Variants in CSPP1 observed in about 807,000 individuals in gnomAD.
The protein encoded by CSPP1 is centrosome and spindle pole associated protein 1, also known as centrosome and spindle pole-associated protein 1.
In CSPP1, 126 loss-of-function variants were observed where a neutral mutation model predicts 164.4. The observed-to-expected ratio is 0.77, with a 90% CI of 0.66 to 0.89. The LOEUF is 0.89. Ranked by LOEUF, CSPP1 falls within the 40% of genes least tolerant of loss-of-function variation. The probability of loss-of-function intolerance (pLI) is 0.00; values close to 1 mark genes in which losing one functional copy is unlikely to be tolerated. For synonymous variants in CSPP1, 472 were observed against 476.7 expected (o/e 0.99, Z 0.13); for missense variants, 1,395 against 1,449.8 (o/e 0.96, Z 0.61).
chr8:67,145,104 A>G (rs1348478143), intron 17 of CSPP1, among the ~76,000 whole-genome samples: 1 of 151,590 alleles, frequency 6.6e-6, no homozygotes, highest in Non-Finnish European at 1.5e-5. Flanking sequence ...TGGGTGGGGA[A>G]TCTTCTTTTT....
Position 67,113,835 on chromosome 8 carries a change from G to T in CSPP1, c.1218G>T (p.Ala406=), listed in dbSNP as rs752326108. The T allele has an allele frequency of 7.5e-6, 12 of 1,592,562 alleles. No individual in the cohort carries two copies. Among genetic ancestry groups the T allele is most frequent in the Non-Finnish European group, 9.4e-6 (11 of 1,165,642 alleles). The change falls in exon 11 of 31, where the codon GCG becomes GCT. Residue 406 remains alanine, a synonymous_variant. Transcript: ENST00000678616. ...AAGATTTAGAACTCAGGGTTGCAGC[G>T]TCTGGAGCACAAGACCCTGAGAAAT... ...REKDLELRVA[A]SGAQDPEKSW...
chr8:67,093,977 G>A (rs1288186198), intron 6 of CSPP1, among the ~76,000 whole-genome samples: 14 of 150,684 alleles, frequency 9.3e-5, no homozygotes, highest in East Asian at 2.0e-4. Context: ...TCAATTAGCC[G>A]GACATGGTGG....
intron 4 of CSPP1, among the ~76,000 whole-genome samples, chr8:67,090,760 C>G (rs1335339840): frequency 6.6e-6 from 1 of 152,170 alleles, no homozygotes; most frequent in Non-Finnish European, 1.5e-5. Context: ...TGTATCCCTA[C>G]CATCTGAAAA....
In CSPP1 at chr8:67,105,885, CTCTG is replaced by C. The variant is rs1419911636; in HGVS notation, c.1023-16_1023-13del. The C allele has an allele frequency of 1.0e-5, 14 of 1,384,768 alleles. No homozygotes were observed. The East Asian group carries it at 1.1e-4, about 11-fold the overall frequency. 85.8% of individuals were successfully genotyped at this position (1,384,768 alleles called of 1,614,324 possible). A position where few individuals can be genotyped will look rare whatever the true frequency, so the allele number is the denominator to read the frequency against. ...ATCTGGATTTTAATTTACTCTTTTTCTCTGTCTTTTTTTCTTTAGTGCTCCAGAC... is the reference window on the plus strand; with the variant it reads ...ATCTGGATTTTAATTTACTCTTTTTCTCTTTTTTTCTTTAGTGCTCCAGAC... On this transcript the variant is annotated splice_polypyrimidine_tract_variant and intron_variant, in intron 8 of 30. Coordinates refer to ENST00000678616, the MANE Select transcript of CSPP1 (RefSeq NM_001382391.1).
intron 4 of CSPP1, among the ~76,000 whole-genome samples, chr8:67,087,034 A>G (rs1408905697): frequency 3.3e-5 from 5 of 152,136 alleles, no homozygotes; most frequent in African/African-American, 1.2e-4. Context: ...GACAGCATAC[A>G]CATTATAATT....
At chr8:67,101,908 T>C (rs1019980071) in intron 7 of CSPP1, among the ~76,000 whole-genome samples, 1 of 152,206 alleles carries the variant, frequency 6.6e-6, no homozygotes, top group African/African-American at 2.4e-5. Context: ...TCAACAGCCA[T>C]GTAAAGAAAC....
chr8:67,103,043 C>T lies in CSPP1; in HGVS notation c.930C>T (p.His310=). ...LSRVYTNDRM[H]RNKRGNMPPM... ...AAGCTAATGTGTTTTTAAGGATGCA[C>T]AGGAACAAACGAGGGAATATGCCTC... is the stretch of plus-strand genomic sequence containing the variant. Residue 310 remains histidine (H), a synonymous_variant, in exon 8 of 31, where the codon CAC becomes CAT. Coordinates refer to ENST00000678616, the MANE Select transcript of CSPP1 (RefSeq NM_001382391.1). The T allele has an allele frequency of 1.2e-6, 2 of 1,600,796 alleles. No homozygotes were observed. Among genetic ancestry groups the T allele is most frequent in the Middle Eastern group, 3.3e-4 (2 of 6,038 alleles).
At chr8:67,086,372 G>C (rs377590792) in intron 4 of CSPP1, 9 of 469,448 alleles carry the variant, frequency 1.9e-5, no homozygotes, top group African/African-American at 1.6e-4. Context: ...CGTTAATTAT[G>C]GTTTTTCATG....
intron 21 of CSPP1, 39 bp downstream of exon 21, chr8:67,159,176 T>A: frequency 2.6e-6 from 4 of 1,556,032 alleles, no homozygotes; most frequent in Non-Finnish European, 3.5e-6. Flanking sequence ...ACCCATAGTT[T>A]AACTCACTTT....
intron 26 of CSPP1, among the ~76,000 whole-genome samples, chr8:67,176,198 C>A (rs1831583811): frequency 6.6e-6 from 1 of 152,008 alleles, no homozygotes; most frequent in Non-Finnish European, 1.5e-5. Flanking sequence ...ATTTCACCAG[C>A]CTTCAGGCCA....
intron 4 of CSPP1, 61 bp downstream of exon 4, chr8:67,086,171 T>C: frequency 1.2e-6 from 1 of 843,200 alleles, no homozygotes; most frequent in Non-Finnish European, 2.1e-6. Context: ...TAAATTTGTT[T>C]TCATAAGGTA....
chr8:67,168,113 A>G (rs1343559777), intron 24 of CSPP1, among the ~76,000 whole-genome samples: 1 of 152,204 alleles, frequency 6.6e-6, no homozygotes, highest in Non-Finnish European at 1.5e-5. Flanking sequence ...TGGCCAACAC[A>G]GCGAAACCCC....
At chr8:67,184,707 G>A (rs1424447661) in intron 28 of CSPP1, among the ~76,000 whole-genome samples, 4 of 149,540 alleles carry the variant, frequency 2.7e-5, no homozygotes, top group Non-Finnish European at 5.9e-5. Flanking sequence ...CTGCATGACA[G>A]AGTGAGATTC....
chr8:67,119,287 A>G (rs905306009), intron 15 of CSPP1, among the ~76,000 whole-genome samples: 3 of 152,188 alleles, frequency 2.0e-5, no homozygotes, highest in African/African-American at 7.2e-5. Flanking sequence ...CCATTTATCC[A>G]TTAGTGGACA....
intron 19 of CSPP1, 32 bp from the exon 20 acceptor site, chr8:67,158,415 T>C: frequency 6.5e-7 from 1 of 1,531,700 alleles, no homozygotes; most frequent in Non-Finnish European, 8.8e-7. Flanking sequence ...TCAATAGTTT[T>C]ACAAGATAAA....
At chr8:67,189,765 C>T (rs534642817) in intron 28 of CSPP1, among the ~76,000 whole-genome samples, 1 of 152,266 alleles carries the variant, frequency 6.6e-6, no homozygotes, top group South Asian at 2.1e-4. Context: ...ACATCATCCC[C>T]CCAAATATAT....
intron 29 of CSPP1, 108 bp from the exon 30 acceptor site, chr8:67,193,356 C>CAA: frequency 3.1e-6 from 3 of 957,168 alleles, no homozygotes; most frequent in South Asian, 1.7e-5. Context: ...CTCGGCTTCC[C>CAA]AAAGTGCTGG....
chr8:67,196,470 G>GACTC lies in CSPP1; in HGVS notation c.*879_*882dup, dbSNP rs760811462. On this transcript the variant is annotated 3_prime_UTR_variant, in exon 31 of 31. Transcript: ENST00000678616. ...GTCATTCAAATAATTGTGACATTCT[G>GACTC]ACTCAGATTAGAATCTCAGAACCAT... Among the ~76,000 whole-genome samples, 8 of 152,136 alleles carry GACTC rather than the reference G, an allele frequency of 5.3e-5. No individual in the cohort carries two copies. The highest frequency in any genetic ancestry group is 9.7e-5 in the African/African-American group (4 of 41,418).
At chr8:67,075,682 C>G (rs1807765289) in intron 2 of CSPP1, among the ~76,000 whole-genome samples, 1 of 152,204 alleles carries the variant, frequency 6.6e-6, no homozygotes, top group South Asian at 2.1e-4. Flanking sequence ...GGTTGCCTTT[C>G]TTCCAGATAA....
Sources: allele counts gnomAD v4.1 joint callset (sites outside exome capture counted in the v4.1 genomes callset), GRCh38; gene constraint gnomAD v4.1.1; transcripts MANE v1.5; gene names NCBI Gene and HGNC (gene_info 2026-07-23, HGNC 2026-07-21).